Variants in BPNT1 observed in about 807,000 individuals in gnomAD.
BPNT1 encodes the protein 3'(2'),5'-bisphosphate nucleotidase 1.
Under a neutral mutation model 36.9 loss-of-function variants are expected in BPNT1, and 28 were observed. The ratio of observed to expected loss-of-function variants is 0.76; its 90% CI spans 0.56 to 1.04. The LOEUF (loss-of-function observed/expected upper bound fraction) is 1.04, where lower values mean the gene tolerates loss of function less well. Among genes scored for constraint, BPNT1 ranks in the 50% least tolerant of loss-of-function variants. The pLI, the probability that BPNT1 is intolerant of heterozygous loss-of-function variation, is 0.00. For missense variants in BPNT1, 313 were observed against 372.9 expected, an observed-to-expected ratio of 0.84 and a Z score of 1.32; for synonymous variants, 119 against 130.9, an observed-to-expected ratio of 0.91 and a Z score of 0.62.
chr1:220,078,960 ATAAACTT>A (rs1407549027), intron 2 of BPNT1, among the ~76,000 whole-genome samples: 5 of 152,220 alleles, frequency 3.3e-5, no homozygotes, highest in African/African-American at 1.2e-4. Flanking sequence ...GACTATCACT[ATAAACTT>A]TCTGATAATC....
rs937635277 is a variant in BPNT1, at chr1:220,069,529, T to C, written c.334-97A>G. 6.8e-6 allele frequency: 6 copies of C among 883,500 alleles called. No homozygotes were observed. In the South Asian group the frequency reaches 1.1e-4, roughly 17 times the overall value. 54.7% of individuals were successfully genotyped at this position (883,500 alleles called of 1,614,324 possible). On this transcript the variant is annotated intron_variant, in intron 4 of 8. Coordinates refer to ENST00000322067, the MANE Select transcript of BPNT1 (RefSeq NM_006085.6). ...TTAAAATTACTCTTTTTTTCCTGTT[T>C]GAAATTGTATTATGGATGGCTTAAA...
chr1:220,078,492 TAATA>T (rs1486230394), intron 2 of BPNT1, among the ~76,000 whole-genome samples: 4 of 142,096 alleles, frequency 2.8e-5, no homozygotes, highest in Non-Finnish European at 4.6e-5. Flanking sequence ...TAATAATTTA[TAATA>T]AATTTTATAT....
At chr1:220,060,988 T>C (rs1292019612) in intron 7 of BPNT1, among the ~76,000 whole-genome samples, 1 of 152,232 alleles carries the variant, frequency 6.6e-6, no homozygotes, top group Admixed American at 6.5e-5. Context: ...ATGTTCAGAT[T>C]AAGATAAAGA....
chr1:220,068,565 C>A (rs1663754227), intron 5 of BPNT1, among the ~76,000 whole-genome samples: 1 of 151,822 alleles, frequency 6.6e-6, no homozygotes, highest in Non-Finnish European at 1.5e-5. Context: ...AATCCCAGCA[C>A]TTTGGGAGGC....
intron 5 of BPNT1, among the ~76,000 whole-genome samples, chr1:220,068,668 G>A (rs1334249088): frequency 6.6e-6 from 1 of 151,946 alleles, no homozygotes; most frequent in East Asian, 2.0e-4. Flanking sequence ...AAAATTAGCT[G>A]GGCGTGGTGG....
Position 220,062,810 on chromosome 1 carries a change from C to T in BPNT1, c.619G>A (p.Val207Ile), listed in dbSNP as rs1345774257. The change falls in exon 7 of 9, where the codon GTT becomes ATT. Residue 207 changes from valine (V) to isoleucine (I), a missense_variant. Coordinates refer to ENST00000322067, the MANE Select transcript of BPNT1 (RefSeq NM_006085.6). ...SHSNKLVTDC[V>I]AAMNPDAVLR... The stretch of plus-strand genomic sequence containing the variant: ...ACAGCATCGGGGTTCATAGCAGCAA[C>T]ACAGTCAGTAACCAACTTGTTGCTA... 2.5e-6 allele frequency: 4 copies of T among 1,614,190 alleles called. No individual in the cohort carries two copies. The highest frequency in any genetic ancestry group is 3.4e-6 in the Non-Finnish European group (4 of 1,180,026).
chr1:220,059,011 C>T lies in BPNT1; in HGVS notation c.779-19G>A. The T allele has an allele frequency of 6.2e-7, 1 of 1,612,004 alleles. No homozygotes were observed. The highest frequency in any genetic ancestry group is 8.5e-7 in the Non-Finnish European group (1 of 1,178,818). ...AACTTGCCTATAGAAAAACATCAAT[C>T]AATCAATCAAGTTAGTGGCTAATTG... On this transcript the variant is annotated intron_variant, in intron 8 of 8. Coordinates refer to ENST00000322067, the MANE Select transcript of BPNT1 (RefSeq NM_006085.6).
At chr1:220,085,013 T>G (rs1443043016) in intron 1 of BPNT1, among the ~76,000 whole-genome samples, 2 of 152,034 alleles carry the variant, frequency 1.3e-5, no homozygotes, top group African/African-American at 4.8e-5. Flanking sequence ...TACTATGCCC[T>G]AGCCTTAATC....
rs773517122 is a variant in BPNT1 at position 220,067,416 on chromosome 1, A to C, written c.383-23T>G. On this transcript the variant is annotated intron_variant, in intron 5 of 8. Coordinates refer to ENST00000322067, the MANE Select transcript of BPNT1 (RefSeq NM_006085.6). ...GACCTGCAAAGAAGAAATAAATATC[A>C]GTTATATAACTTGCTCATATTATGA... The C allele has an allele frequency of 1.9e-6, 3 of 1,543,060 alleles. No homozygotes were observed. In the South Asian group the frequency reaches 3.4e-5, roughly 18 times the overall value.
At chr1:220,080,012 C>T (rs906840166) in intron 1 of BPNT1, among the ~76,000 whole-genome samples, 158 bp from the exon 2 acceptor site, 13 of 152,132 alleles carry the variant, frequency 8.5e-5, no homozygotes, top group Non-Finnish European at 1.6e-4. Context: ...AAAGAGACTT[C>T]GAAAAAACTC....
chr1:220,073,097 G>A, intron 3 of BPNT1, 140 bp from the exon 4 acceptor site: 1 of 778,350 alleles, frequency 1.3e-6, no homozygotes, highest in Non-Finnish European at 2.0e-6. Flanking sequence ...AGCTTTTAAA[G>A]CAAACCTTAA....
chr1:220,080,982 T>A (rs1655040321), intron 1 of BPNT1, among the ~76,000 whole-genome samples: 1 of 152,234 alleles, frequency 6.6e-6, no homozygotes, highest in South Asian at 2.1e-4. Context: ...TTCCTTTTTT[T>A]GAGACGGAGT....
chr1:220,089,101 GAAAAAAAAAAAAAA>G (rs764942826), intron 1 of BPNT1, among the ~76,000 whole-genome samples: 1 of 39,156 alleles, frequency 2.6e-5, no homozygotes, highest in African/African-American at 1.0e-4. Flanking sequence ...ACTCCGTCTC[GAAAAAAAAAAAAAA>G]AAAAAAAAAA....
At chr1:220,080,013 G>GA (rs1317587904) in intron 1 of BPNT1, among the ~76,000 whole-genome samples, 159 bp from the exon 2 acceptor site, 6 of 152,184 alleles carry the variant, frequency 3.9e-5, no homozygotes, top group Non-Finnish European at 5.9e-5. Context: ...AAGAGACTTC[G>GA]AAAAAACTCG....
At chr1:220,062,703 A>G in intron 7 of BPNT1, 54 bp downstream of exon 7, 1 of 1,574,616 alleles carries the variant, frequency 6.4e-7, no homozygotes, top group Non-Finnish European at 8.7e-7. Flanking sequence ...TTAGAAGTTG[A>G]GTATTTCAAT....
At chr1:220,072,454 A>G (rs548344476) in intron 4 of BPNT1, among the ~76,000 whole-genome samples, 152 of 151,926 alleles carry the variant, frequency 1.0e-3, no homozygotes, top group African/African-American at 3.5e-3. Context: ...AGCTGAGACT[A>G]TAAGTGTGCA....
intron 1 of BPNT1, among the ~76,000 whole-genome samples, chr1:220,088,162 C>T (rs575979961): frequency 5.1e-4 from 77 of 151,816 alleles, no homozygotes; most frequent in African/African-American, 1.8e-3. Flanking sequence ...TGAGCCACCG[C>T]GCCGGGCCAT....
intron 4 of BPNT1, among the ~76,000 whole-genome samples, chr1:220,070,289 T>C (rs1317920583): frequency 2.0e-5 from 3 of 152,176 alleles, no homozygotes; most frequent in African/African-American, 4.8e-5. Flanking sequence ...GATAACATTA[T>C]GTGAATTTCT....
At chr1:220,086,513 A>G (rs1422784466) in intron 1 of BPNT1, among the ~76,000 whole-genome samples, 1 of 151,528 alleles carries the variant, frequency 6.6e-6, no homozygotes, top group Non-Finnish European at 1.5e-5. Flanking sequence ...ACCTCAAGTG[A>G]TCCACCCTCC....
Sources: gnomAD v4.1 joint callset for allele counts (sites outside exome capture counted in the v4.1 genomes callset) on GRCh38, gnomAD v4.1.1 for gene constraint, MANE v1.5 for transcripts, NCBI Gene and HGNC (gene_info 2026-07-23, HGNC 2026-07-21) for gene names.